The following ZSCAN18 variants were observed in gnomAD, a reference collection of about 807,000 sequenced individuals.
ZSCAN18 encodes zinc finger and SCAN domain containing 18, also known as zinc finger and SCAN domain-containing protein 18.
Under a neutral mutation model 31.1 loss-of-function variants are expected in ZSCAN18, and 16 were observed. That is an observed-to-expected ratio of 0.51 (90% CI 0.35 to 0.78). The LOEUF is 0.78. ZSCAN18 is among the 30% of genes least tolerant of loss of function. The probability of loss-of-function intolerance (pLI) is 0.01; values close to 1 mark genes in which losing one functional copy is unlikely to be tolerated. For missense variants in ZSCAN18, 731 were observed against 697.4 expected (o/e 1.05, Z -0.54); for synonymous variants, 375 against 320.7 (o/e 1.17, Z -1.81).
chr19:58,100,376 T>A (rs2074583541), upstream of ZSCAN18, among the ~76,000 whole-genome samples: 1 of 152,096 alleles, frequency 6.6e-6, no homozygotes. Flanking sequence ...TGAGCCATCC[T>A]CCCAGCACTC....
Position 58,084,701 on chromosome 19 carries a change from G to A in ZSCAN18, c.1517C>T (p.Pro506Leu), listed in dbSNP as rs569550361. The change falls in exon 7 of 7, where the codon CCA becomes CTA. Residue 506 changes from proline (P) to leucine (L), a missense_variant. This residue lies in a region of ZSCAN18 where 597 missense variants were observed against 499.5 expected (regional missense o/e 1.20). Coordinates refer to ENST00000601144, the MANE Select transcript of ZSCAN18 (RefSeq NM_001145543.2). This position sits in a 1 kb window ranked among gnomAD's most constrained non-coding sequence, Gnocchi z 4.5. ...CACAGCGGCTCACCTCTGCGCCTCT[G>A]GGGGTGCGGGGGGAGCCTCGCCCTC... ...SVEGEAPPAP[P>L]EAQR 6.0e-6 allele frequency: 9 copies of A among 1,500,058 alleles called. No homozygotes were observed. The East Asian group carries it at 1.2e-4, about 19-fold the overall frequency. The allele number at this position is 1,500,058 out of a possible 1,614,324, so 92.9% of individuals were successfully genotyped here. A position where few individuals can be genotyped will look rare whatever the true frequency, so the allele number is the denominator to read the frequency against.
intron 1 of ZSCAN18, chr19:58,109,255 C>T: frequency 8.1e-7 from 1 of 1,231,710 alleles, no homozygotes; most frequent in Middle Eastern, 3.1e-4. Flanking sequence ...ATAGTTCCTT[C>T]CCAACACCAT....
chr19:58,116,926 T>C (rs751627135), intron 1 of ZSCAN18, among the ~76,000 whole-genome samples: 2 of 152,208 alleles, frequency 1.3e-5, no homozygotes, highest in Non-Finnish European at 1.5e-5. Context: ...AGTCTCGCTC[T>C]GTCAGTGCTG....
At chr19:58,108,374 C>G in intron 1 of ZSCAN18, 1 of 985,474 alleles carries the variant, frequency 1.0e-6, no homozygotes. Flanking sequence ...TTCTGAAATG[C>G]AAAACAAGGG....
At chr19:58,114,991 A>C (rs2074718505) in intron 1 of ZSCAN18, among the ~76,000 whole-genome samples, 1 of 152,258 alleles carries the variant, frequency 6.6e-6, no homozygotes, top group South Asian at 2.1e-4. Flanking sequence ...AGCTGTTAAA[A>C]AACAACTATG....
upstream of ZSCAN18, among the ~76,000 whole-genome samples, chr19:58,099,966 T>TTTTTG (rs1555802342): frequency 5.4e-5 from 8 of 147,902 alleles, no homozygotes; most frequent in East Asian, 2.0e-4. Flanking sequence ...AAAGCTATGT[T>TTTTTG]TTTTTTTTTT....
At chr19:58,103,999 C>G (rs1277937966) in intron 1 of ZSCAN18, among the ~76,000 whole-genome samples, 1 of 152,216 alleles carries the variant, frequency 6.6e-6, no homozygotes, top group Non-Finnish European at 1.5e-5. Context: ...AACTAACATT[C>G]TCTTAAGCCA....
Position 58,090,223 on chromosome 19 carries a change from T to C in ZSCAN18, c.45A>G (p.Pro15=), listed in dbSNP as rs1599963968. 6.2e-7 allele frequency: 1 copy of C among 1,613,516 alleles called. No individual in the cohort carries two copies. The highest frequency in any genetic ancestry group is 8.5e-7 in the Non-Finnish European group (1 of 1,180,012). Residue 15 remains proline, a synonymous_variant, in exon 2 of 7, where the codon CCA becomes CCG. Transcript: ENST00000601144. The surrounding 1 kb of genome is among the most constrained non-coding windows in gnomAD (Gnocchi z 4.7). ...EKAFASPRSS[P]APPDLPTPGS... is the part of the protein sequence containing the mutation. Reference sequence around the variant, plus strand: ...CCGGCGTGGGCAGATCCGGCGGGGCTGGGGAGCTCCTGGGGGAGGCAAACG... The same window carrying C: ...CCGGCGTGGGCAGATCCGGCGGGGCCGGGGAGCTCCTGGGGGAGGCAAACG...
intron 1 of ZSCAN18, chr19:58,092,724 G>A (rs954240673): frequency 2.0e-6 from 2 of 982,752 alleles, no homozygotes; most frequent in African/African-American, 1.8e-5. Flanking sequence ...ACCTCAAGCA[G>A]AACAGAGCCA....
intron 1 of ZSCAN18, chr19:58,092,529 T>C (rs1316021951): frequency 1.5e-4 from 27 of 179,710 alleles, no homozygotes; most frequent in Non-Finnish European, 1.9e-4. Context: ...TGAGCTGAGA[T>C]CATGCCACTG....
At chr19:58,089,597 G>C (rs541525286) in intron 2 of ZSCAN18, among the ~76,000 whole-genome samples, 18 of 152,340 alleles carry the variant, frequency 1.2e-4, no homozygotes, top group Admixed American at 7.8e-4. Context: ...CTGCGCTCCA[G>C]CCTAGTGACA....
chr19:58,100,913 C>T (rs983502741), upstream of ZSCAN18, among the ~76,000 whole-genome samples: 1 of 151,988 alleles, frequency 6.6e-6, no homozygotes, highest in African/African-American at 2.4e-5. Flanking sequence ...GGTTTTATTA[C>T]ACCACAGATG....
At chr19:58,091,992 C>T (rs1346142119) in intron 1 of ZSCAN18, among the ~76,000 whole-genome samples, 4 of 152,196 alleles carry the variant, frequency 2.6e-5, no homozygotes, top group East Asian at 1.9e-4. Flanking sequence ...GAATATGGGG[C>T]GCAAAGACCT....
At chr19:58,107,686 A>G (rs755037151) in intron 1 of ZSCAN18, 8 of 987,844 alleles carry the variant, frequency 8.1e-6, no homozygotes, top group African/African-American at 3.5e-5. Flanking sequence ...ACTCTTCAAC[A>G]TGAAGTCTCT....
intron 1 of ZSCAN18, among the ~76,000 whole-genome samples, chr19:58,117,867 G>T (rs940579747): frequency 2.0e-5 from 3 of 152,072 alleles, no homozygotes; most frequent in African/African-American, 7.2e-5. Context: ...AGAGTTAGAG[G>T]GTCCGTGCTC....
At chr19:58,112,417 G>A (rs1226429640) in intron 1 of ZSCAN18, among the ~76,000 whole-genome samples, 4 of 152,074 alleles carry the variant, frequency 2.6e-5, no homozygotes, top group South Asian at 2.1e-4. Context: ...TTGGGAGGCC[G>A]AGGTGGGCGT....
chr19:58,098,421 G>C, upstream of ZSCAN18: 1 of 974,434 alleles, frequency 1.0e-6, no homozygotes, highest in Non-Finnish European at 1.2e-6. Context: ...TGGGCACCAT[G>C]GCAACGAAGT....
At chr19:58,118,389 C>T in exon 1 of ZSCAN18, 1 of 1,528,318 alleles carries the variant, frequency 6.5e-7, no homozygotes, top group South Asian at 1.2e-5. Flanking sequence ...CCCTCCGACT[C>T]TCCGCATGGG....
chr19:58,106,007 G>C (rs761714864), intron 1 of ZSCAN18, among the ~76,000 whole-genome samples: 4 of 152,112 alleles, frequency 2.6e-5, no homozygotes, highest in Non-Finnish European at 5.9e-5. Flanking sequence ...TATGTATTTT[G>C]TAAGGCTATA....
Sources: gnomAD v4.1 joint callset for allele counts (sites outside exome capture counted in the v4.1 genomes callset) on GRCh38, gnomAD v4.1.1 for gene constraint, gnomAD v4.1.1 regional missense constraint, Gnocchi (gnomAD v3.1) non-coding constraint, MANE v1.5 for transcripts, NCBI Gene and HGNC (gene_info 2026-07-23, HGNC 2026-07-21) for gene names.